NUP214: variants seen among roughly 807,000 people sequenced by gnomAD.
NUP214 encodes nucleoporin 214.
Under a neutral mutation model 196.2 loss-of-function variants are expected in NUP214, and 79 were observed. The ratio of observed to expected loss-of-function variants is 0.40; its 90% CI spans 0.34 to 0.49. The LOEUF (loss-of-function observed/expected upper bound fraction) is 0.49, where lower values mean the gene tolerates loss of function less well. NUP214 is among the 20% of genes least tolerant of loss of function. NUP214 has a pLI of 0.58. For synonymous variants in NUP214, 1,020 were observed against 990.5 expected, an observed-to-expected ratio of 1.03 and a Z score of -0.56; for missense variants, 2,468 against 2,539.0, an observed-to-expected ratio of 0.97 and a Z score of 0.60.
chr9:131,158,567 T>A (rs1229797831), intron 17 of NUP214, among the ~76,000 whole-genome samples: 11 of 152,220 alleles, frequency 7.2e-5, no homozygotes. Flanking sequence ...ATTTCTCAAA[T>A]GGGAAGATGA....
chr9:131,150,327 A>G lies in NUP214; in HGVS notation c.2044A>G (p.Lys682Glu). The G allele has an allele frequency of 6.2e-7, 1 of 1,614,134 alleles. No homozygotes were observed. Among genetic ancestry groups the G allele is most frequent in the Non-Finnish European group, 8.5e-7 (1 of 1,179,966 alleles). ...AAACCTTTTCCTTCCATTTCAGGCA[A>G]AGTCACTTCAGCCTGCTGTTGCAGA... Reference protein sequence around the residue: ...PAAKPGSPQAKSLQPAVAEKQ... With the variant: ...PAAKPGSPQAESLQPAVAEKQ... The change falls in exon 15 of 36, where the codon AAG becomes GAG. Residue 682 changes from lysine to glutamate, a missense_variant. Transcript: ENST00000359428.
Position 131,232,220 on chromosome 9 carries a change from T to C in NUP214, c.6215-64T>C. ...CACAGAGGAGGGCAGACACTTAGCA[T>C]GGGGACCACCTTTGTCTTTCGAGTG... On this transcript the variant is annotated intron_variant, in intron 34 of 35. Transcript: ENST00000359428. The surrounding 1 kb of genome is among the most constrained non-coding windows in gnomAD (Gnocchi z 5.1). 3.2e-6 allele frequency: 5 copies of C among 1,583,784 alleles called. No homozygotes were observed. The highest frequency in any genetic ancestry group is 4.3e-6 in the Non-Finnish European group (5 of 1,152,344).
chr9:131,193,043 G>A (rs1588157255), intron 27 of NUP214, among the ~76,000 whole-genome samples: 1 of 151,390 alleles, frequency 6.6e-6, no homozygotes, highest in African/African-American at 2.4e-5. Context: ...TGAAATTTGA[G>A]GTTTTATATA....
intron 9 of NUP214, among the ~76,000 whole-genome samples, chr9:131,137,814 G>T (rs1396423375): frequency 1.3e-5 from 2 of 152,046 alleles, no homozygotes; most frequent in Non-Finnish European, 2.9e-5. Flanking sequence ...GCCTCCCAAA[G>T]TGCTGGGATT....
intron 17 of NUP214, among the ~76,000 whole-genome samples, chr9:131,155,286 A>T (rs951511601): frequency 6.6e-6 from 1 of 152,138 alleles, no homozygotes; most frequent in Non-Finnish European, 1.5e-5. Flanking sequence ...CCATTTGTAT[A>T]TCTTTTAAGA....
chr9:131,172,061 A>G (rs956682498), intron 21 of NUP214, among the ~76,000 whole-genome samples: 2 of 151,748 alleles, frequency 1.3e-5, no homozygotes, highest in Non-Finnish European at 2.9e-5. Flanking sequence ...TCCTTTGGGT[A>G]TATACCCAGT....
At chr9:131,130,892 G>A (rs1430279774) in intron 5 of NUP214, 56 bp downstream of exon 5, 1 of 1,428,548 alleles carries the variant, frequency 7.0e-7, no homozygotes, top group Admixed American at 1.7e-5. Flanking sequence ...TTTTTTGGGG[G>A]TGGTTTGGGA....
chr9:131,166,339 A>G (rs938111007), intron 21 of NUP214, among the ~76,000 whole-genome samples: 14 of 152,176 alleles, frequency 9.2e-5, no homozygotes, highest in Admixed American at 2.6e-4. Flanking sequence ...CAGATTATAT[A>G]TTTAGATAGA....
At position 131,181,243 on chromosome 9, in the gene NUP214, GT is replaced by G. The variant is rs202060058; in HGVS notation, c.3419+2834del. 1.9e-3 allele frequency among the ~76,000 whole-genome samples: 293 copies of G among 152,210 alleles called. 1 individual carries two copies. The highest frequency in any genetic ancestry group is 6.7e-3 in the African/African-American group (279 of 41,520). On this transcript the variant is annotated intron_variant, in intron 24 of 35. Transcript: ENST00000359428. ...AGCGTGTCTACAAGTTGAAGAGCGA[GT>G]CAGGGGGGACCTCTGGTGACGAGAG...
rs757856001 is a variant in NUP214 at position 131,130,137 on chromosome 9, G to GTTTTTTTT, written c.593-623_593-616dup. ...GAGCAGGAGAATGATTTCTGGTTTT[G>GTTTTTTTT]TTTTTTTTTTTTTGTTTTTTTTTTG... is the stretch of plus-strand genomic sequence containing the variant. On this transcript the variant is annotated intron_variant, in intron 4 of 35. Coordinates refer to ENST00000359428, the MANE Select transcript of NUP214 (RefSeq NM_005085.4). Among the ~76,000 whole-genome samples the GTTTTTTTT allele has an allele frequency of 2.6e-3, 202 of 76,916 alleles. 49 individuals carry two copies. Among genetic ancestry groups the GTTTTTTTT allele is most frequent in the Middle Eastern group, 0.021 (1 of 48 alleles). The allele number at this position is 76,916 out of a possible 152,430, so 50.5% of individuals were successfully genotyped here. A position where few individuals can be genotyped will look rare whatever the true frequency, so the allele number is the denominator to read the frequency against.
At chr9:131,148,468 G>A (rs1218587249) in intron 14 of NUP214, among the ~76,000 whole-genome samples, 1 of 152,028 alleles carries the variant, frequency 6.6e-6, no homozygotes, top group Non-Finnish European at 1.5e-5. Flanking sequence ...TTTCTCTTGG[G>A]TGTATCCCTA....
chr9:131,178,992 T>TG (rs1268398405), intron 24 of NUP214, among the ~76,000 whole-genome samples: 3 of 148,736 alleles, frequency 2.0e-5, no homozygotes, highest in Admixed American at 6.6e-5. Context: ...TTGTTGTTGT[T>TG]TTTTGTTTTT....
chr9:131,192,375 T>C, intron 27 of NUP214, 83 bp downstream of exon 27: 1 of 826,664 alleles, frequency 1.2e-6, no homozygotes, highest in Non-Finnish European at 1.9e-6. Context: ...ATTTATTTAC[T>C]TATTAAATGT....
At chr9:131,206,141 CTTTTTTCTT>C (rs1236679675) in intron 30 of NUP214, among the ~76,000 whole-genome samples, 2 of 23,872 alleles carry the variant, frequency 8.4e-5, no homozygotes, top group Non-Finnish European at 1.6e-4. Flanking sequence ...GAATTTTTTT[CTTTTTTCTT>C]TTTTTTTTTT....
intron 30 of NUP214, among the ~76,000 whole-genome samples, chr9:131,202,518 G>T (rs184795684): frequency 3.9e-5 from 6 of 152,242 alleles, no homozygotes. Flanking sequence ...CCGCCTCCCA[G>T]GCTCAAGTCA....
At chr9:131,192,461 T>C (rs1833634796) in intron 27 of NUP214, 169 bp downstream of exon 27, 1 of 452,986 alleles carries the variant, frequency 2.2e-6, no homozygotes. Context: ...CTCATGTAAA[T>C]CGATTTTCCC....
Position 131,144,720 on chromosome 9 carries a change from T to G in NUP214, c.1735T>G (p.Ser579Ala), listed in dbSNP as rs543869161. The G allele has an allele frequency of 6.2e-7, 1 of 1,611,578 alleles. No homozygotes were observed. Among genetic ancestry groups the G allele is most frequent in the Non-Finnish European group, 8.5e-7 (1 of 1,178,860 alleles). The change falls in exon 12 of 36, where the codon TCA becomes GCA. Residue 579 changes from serine (S) to alanine (A), a missense_variant. By Grantham distance (99) the Ser-to-Ala change is moderately conservative. This residue lies in a region of NUP214 where 1,801 missense variants were observed against 1,779.4 expected (regional missense o/e 1.01). Transcript: ENST00000359428. ...NIAMKPSFPP[S>A]TSAVKVNLSE... The stretch of plus-strand genomic sequence containing the variant: ...AGCAATGAAGCCCTCCTTCCCACCC[T>G]CAACCTCTGCTGTCAAAGTCAACCT...
chr9:131,206,148 C>CTTTCTTTTTTTTTTTTT (rs1834076230), intron 30 of NUP214, among the ~76,000 whole-genome samples: 1 of 76,388 alleles, frequency 1.3e-5, no homozygotes, highest in Non-Finnish European at 2.4e-5. Flanking sequence ...TTTCTTTTTT[C>CTTTCTTTTTTTTTTTTT]TTTTTTTTTT....
rs532383560 is a variant in NUP214, at chr9:131,224,097, GAATT to G, written c.5902+1173_5902+1176del. ...CCACAATCCACATAAGTACACAGCT[GAATT>G]AATTATCACAGTTGGAATACACCCA... On this transcript the variant is annotated intron_variant, in intron 32 of 35. Coordinates refer to ENST00000359428, the MANE Select transcript of NUP214 (RefSeq NM_005085.4). Among the ~76,000 whole-genome samples, 191 of 151,990 alleles carry G rather than the reference GAATT, an allele frequency of 1.3e-3. 1 individual carries two copies. Among genetic ancestry groups the G allele is most frequent in the African/African-American group, 4.4e-3 (184 of 41,452 alleles).
Sources: allele counts gnomAD v4.1 joint callset (sites outside exome capture counted in the v4.1 genomes callset), GRCh38; gene constraint gnomAD v4.1.1; regional missense constraint gnomAD v4.1.1; non-coding constraint Gnocchi (gnomAD v3.1); transcripts MANE v1.5; gene names NCBI Gene and HGNC (gene_info 2026-07-23, HGNC 2026-07-21).